CFAP58: variants seen among roughly 807,000 people sequenced by gnomAD.
CFAP58 encodes the protein cilia and flagella associated protein 58, also known as cilia- and flagella-associated protein 58.
Under a neutral mutation model 119.5 loss-of-function variants are expected in CFAP58, and 88 were observed. That is an observed-to-expected ratio of 0.74 (90% CI 0.62 to 0.88). CFAP58 has a LOEUF of 0.88. Among genes scored for constraint, CFAP58 ranks in the 40% least tolerant of loss-of-function variants. The pLI, the probability that CFAP58 is intolerant of heterozygous loss-of-function variation, is 0.00. For missense variants in CFAP58, 990 were observed against 1,021.2 expected, an observed-to-expected ratio of 0.97 and a Z score of 0.42; for synonymous variants, 365 against 366.3, an observed-to-expected ratio of 1.00 and a Z score of 0.04.
chr10:104,421,643 T>C (rs1025697214), intron 15 of CFAP58, among the ~76,000 whole-genome samples: 9 of 152,216 alleles, frequency 5.9e-5, no homozygotes, highest in African/African-American at 2.2e-4. Flanking sequence ...GTATCCATAG[T>C]GATTAGTGGA....
rs891997963 is a variant in CFAP58, at chr10:104,454,648, G to C, written c.*118G>C. On this transcript the variant is annotated 3_prime_UTR_variant, in exon 18 of 18. Transcript: ENST00000369704. ...GAGTGCTGAGAATCCAGGATGGAAA[G>C]AAATGCAGAACTATCATAGTCACAT... 7 of 726,286 alleles carry C rather than the reference G, an allele frequency of 9.6e-6. No homozygotes were observed. The African/African-American group carries it at 1.1e-4, about 11-fold the overall frequency. The allele number at this position is 726,286 out of a possible 1,614,324, so 45.0% of individuals were successfully genotyped here.
chr10:104,372,122 G>A (rs1216857901), intron 7 of CFAP58, among the ~76,000 whole-genome samples: 1 of 152,252 alleles, frequency 6.6e-6, no homozygotes, highest in East Asian at 1.9e-4. Context: ...GGAGGCCAAG[G>A]CAGGCGGATC....
At position 104,433,944 on chromosome 10, in the gene CFAP58, C is replaced by T. The variant is rs115081280; in HGVS notation, c.2257-13754C>T. On this transcript the variant is annotated intron_variant, in intron 15 of 17. Coordinates refer to ENST00000369704, the MANE Select transcript of CFAP58 (RefSeq NM_001008723.2). The stretch of plus-strand genomic sequence containing the variant: ...CTCTCCAGAACCCTCACTCCCTTGG[C>T]TGTCCCTCTGGTTTGGCAGGTGACT... Among the ~76,000 whole-genome samples, 699 of 152,326 alleles carry T rather than the reference C, an allele frequency of 4.6e-3. 5 individuals carry two copies. Among genetic ancestry groups the T allele is most frequent in the African/African-American group, 0.016 (666 of 41,574 alleles).
At chr10:104,452,738 A>G (rs1301748982) in intron 17 of CFAP58, among the ~76,000 whole-genome samples, 1 of 152,204 alleles carries the variant, frequency 6.6e-6, no homozygotes, top group African/African-American at 2.4e-5. Flanking sequence ...GTGGCTGGGT[A>G]TAACAGAAAG....
intron 15 of CFAP58, among the ~76,000 whole-genome samples, chr10:104,423,252 C>T (rs1478044249): frequency 6.6e-6 from 1 of 152,120 alleles, no homozygotes; most frequent in African/African-American, 2.4e-5. Flanking sequence ...GATCCACCAT[C>T]CATTTGTTCA....
chr10:104,392,002 CT>C (rs758621236), intron 9 of CFAP58, among the ~76,000 whole-genome samples: 10 of 151,728 alleles, frequency 6.6e-5, no homozygotes, highest in South Asian at 2.1e-4. Flanking sequence ...CACAAAATAA[CT>C]GTGTTAAGCT....
chr10:104,416,878 G>A (rs1396127806), intron 15 of CFAP58, among the ~76,000 whole-genome samples: 1 of 152,146 alleles, frequency 6.6e-6, no homozygotes, highest in Non-Finnish European at 1.5e-5. Flanking sequence ...AGCATGTGGT[G>A]TAAGAACACT....
chr10:104,391,040 A>G (rs1242632324), intron 9 of CFAP58, among the ~76,000 whole-genome samples: 1 of 152,198 alleles, frequency 6.6e-6, no homozygotes, highest in Non-Finnish European at 1.5e-5. Context: ...ATTAACTCTG[A>G]TAGGGAAAGA....
At chr10:104,359,568 C>T (rs1325028903) in intron 2 of CFAP58, among the ~76,000 whole-genome samples, 1 of 152,068 alleles carries the variant, frequency 6.6e-6, no homozygotes, top group Non-Finnish European at 1.5e-5. Context: ...TCTGGGAGGC[C>T]GAGGTGGGTG....
chr10:104,385,252 A>C (rs1310003694), intron 9 of CFAP58, among the ~76,000 whole-genome samples: 1 of 152,156 alleles, frequency 6.6e-6, no homozygotes, highest in Non-Finnish European at 1.5e-5. Flanking sequence ...TGGAGATATT[A>C]GAGGGTTTGG....
At chr10:104,423,790 A>C (rs527719462) in intron 15 of CFAP58, among the ~76,000 whole-genome samples, 57 of 152,350 alleles carry the variant, frequency 3.7e-4, no homozygotes, top group African/African-American at 1.4e-3. Flanking sequence ...TTTATTTGTG[A>C]AATTAGAAGA....
chr10:104,348,998 G>C (rs2014429333), upstream of CFAP58, among the ~76,000 whole-genome samples: 1 of 152,180 alleles, frequency 6.6e-6, no homozygotes, highest in Non-Finnish European at 1.5e-5. Context: ...TGTAATCCCA[G>C]CATTTTGGGA....
chr10:104,381,342 C>A (rs182885907), intron 9 of CFAP58, among the ~76,000 whole-genome samples: 5 of 152,234 alleles, frequency 3.3e-5, no homozygotes, highest in Admixed American at 3.3e-4. Flanking sequence ...TAGTGCATTG[C>A]CTGCATTAAG....
At chr10:104,353,989 G>T in intron 1 of CFAP58, 83 bp downstream of exon 1, 1 of 1,518,304 alleles carries the variant, frequency 6.6e-7, no homozygotes, top group South Asian at 1.1e-5. Flanking sequence ...CACAAACGGT[G>T]ATTCCAATAT....
At chr10:104,361,879 C>T (rs2014671009) in intron 2 of CFAP58, 144 bp from the exon 3 acceptor site, 2 of 733,574 alleles carry the variant, frequency 2.7e-6, no homozygotes, top group Non-Finnish European at 4.4e-6. Context: ...GTGCTATTCA[C>T]TATTGACTAG....
intron 9 of CFAP58, among the ~76,000 whole-genome samples, chr10:104,388,957 G>A (rs1459470400): frequency 6.6e-6 from 1 of 152,104 alleles, no homozygotes; most frequent in Non-Finnish European, 1.5e-5. Context: ...TTCTATATTT[G>A]GATGTGATTT....
At chr10:104,371,176 C>A in intron 7 of CFAP58, 122 bp downstream of exon 7, 1 of 934,768 alleles carries the variant, frequency 1.1e-6, no homozygotes, top group Non-Finnish European at 1.6e-6. Context: ...TAAAACAACA[C>A]TCACACTGGT....
rs1327497952 is a variant in CFAP58 at position 104,364,869 on chromosome 10, G to A, written c.577G>A (p.Ala193Thr). 6.2e-7 allele frequency: 1 copy of A among 1,611,262 alleles called. No homozygotes were observed. The highest frequency in any genetic ancestry group is 8.5e-7 in the Non-Finnish European group (1 of 1,178,792). Residue 193 changes from alanine (A) to threonine (T), a missense_variant, in exon 4 of 18, where the codon GCT becomes ACT. By Grantham distance (58) the Ala-to-Thr change is moderately conservative. Transcript: ENST00000369704. Reference sequence around the variant, plus strand: ...GGAAACAGAGCGATCAAAAGAGGAGGCTGAACATGCCATCAGTCAGGTCTG... The same window carrying A: ...GGAAACAGAGCGATCAAAAGAGGAGACTGAACATGCCATCAGTCAGGTCTG... Reference protein sequence around the residue: ...QQETERSKEEAEHAISQFQQE... With the variant: ...QQETERSKEETEHAISQFQQE...
At chr10:104,394,350 G>A (rs530266706) in intron 11 of CFAP58, among the ~76,000 whole-genome samples, 67 of 152,154 alleles carry the variant, frequency 4.4e-4, no homozygotes, top group Non-Finnish European at 8.4e-4. Flanking sequence ...ATACTCATGG[G>A]TGCTTAAGAG....
Sources: gnomAD v4.1 joint callset for allele counts (sites outside exome capture counted in the v4.1 genomes callset) on GRCh38, gnomAD v4.1.1 for gene constraint, MANE v1.5 for transcripts, NCBI Gene and HGNC (gene_info 2026-07-23, HGNC 2026-07-21) for gene names.